COBLL1: variants seen among roughly 807,000 people sequenced by gnomAD.
COBLL1 encodes the protein cordon-bleu protein-like 1.
Under a neutral mutation model 94.8 loss-of-function variants are expected in COBLL1, and 50 were observed. That is an observed-to-expected ratio of 0.53 (90% CI 0.42 to 0.67). The LOEUF (loss-of-function observed/expected upper bound fraction) is 0.67, where lower values mean the gene tolerates loss of function less well. COBLL1 is among the 30% of genes least tolerant of loss of function. COBLL1 has a pLI of 0.00. For synonymous variants in COBLL1, 448 were observed against 473.8 expected (o/e 0.95, Z 0.71); for missense variants, 1,362 against 1,348.7 (o/e 1.01, Z -0.15).
intron 4 of COBLL1, among the ~76,000 whole-genome samples, chr2:164,728,539 CA>C (rs1045719855): frequency 6.6e-6 from 1 of 151,916 alleles, no homozygotes; most frequent in Non-Finnish European, 1.5e-5. Flanking sequence ...ATACATAGTA[CA>C]AAATTATGTA....
At chr2:164,738,695 A>G (rs59879549) in intron 3 of COBLL1, among the ~76,000 whole-genome samples, 9,529 of 152,312 alleles carry the variant, frequency 0.063, 375 homozygotes, top group African/African-American at 0.12. Flanking sequence ...CAACATTCTT[A>G]AGGCATGAAG....
In COBLL1 at chr2:164,704,929, T is replaced by C. The variant is rs73968226; in HGVS notation, c.1150+23A>G. On this transcript the variant is annotated intron_variant, in intron 8 of 13. Transcript: ENST00000652658. ...TAAACAAAACACAATACAAATGTAA[T>C]GTTAATGAAACAACCACATTACCAG... The C allele has an allele frequency of 4.7e-4, 720 of 1,539,480 alleles. 2 individuals carry two copies. In the African/African-American group the frequency reaches 8.9e-3, roughly 19 times the overall value.
chr2:164,838,806 TTATGA>T (rs1172551944), intron 2 of COBLL1, among the ~76,000 whole-genome samples: 1 of 152,190 alleles, frequency 6.6e-6, no homozygotes, highest in Non-Finnish European at 1.5e-5. Flanking sequence ...AAGTAATGAG[TTATGA>T]TATAATTAGT....
chr2:164,704,364 C>T, intron 9 of COBLL1, 80 bp downstream of exon 9: 7 of 923,448 alleles, frequency 7.6e-6, no homozygotes, highest in South Asian at 6.9e-5. Context: ...ATGTACAAAG[C>T]ATCGCAAATG....
chr2:164,706,763 G>C (rs1684623767), intron 7 of COBLL1, among the ~76,000 whole-genome samples: 1 of 152,054 alleles, frequency 6.6e-6, no homozygotes, highest in Non-Finnish European at 1.5e-5. Context: ...TCATCATTAG[G>C]AAGTACCTAA....
At chr2:164,688,764 TTC>T (rs1230412724) in intron 13 of COBLL1, among the ~76,000 whole-genome samples, 1 of 152,154 alleles carries the variant, frequency 6.6e-6, no homozygotes, top group Non-Finnish European at 1.5e-5. Flanking sequence ...GCCAGCAAGA[TTC>T]TGTGTGACTT....
At chr2:164,757,749 C>A (rs1178431973) in intron 2 of COBLL1, among the ~76,000 whole-genome samples, 1 of 151,844 alleles carries the variant, frequency 6.6e-6, no homozygotes, top group Non-Finnish European at 1.5e-5. Context: ...GAGGTCAAGG[C>A]TAGAGTGAGC....
chr2:164,754,184 G>A (rs185424009), intron 2 of COBLL1, among the ~76,000 whole-genome samples: 1 of 152,056 alleles, frequency 6.6e-6, no homozygotes, highest in South Asian at 2.1e-4. Flanking sequence ...ATATCTATTG[G>A]TAATTATTGT....
intron 5 of COBLL1, chr2:164,727,032 G>T: frequency 1.3e-6 from 1 of 754,104 alleles, no homozygotes; most frequent in Non-Finnish European, 2.1e-6. Context: ...TTAAGAAAGG[G>T]TAAAATTAGA....
chr2:164,693,973 T>C (rs971212783), intron 12 of COBLL1, among the ~76,000 whole-genome samples: 3 of 151,906 alleles, frequency 2.0e-5, no homozygotes, highest in African/African-American at 4.8e-5. Context: ...CACAGGAAAA[T>C]AGAACCATTA....
intron 2 of COBLL1, among the ~76,000 whole-genome samples, chr2:164,839,969 A>G (rs1255588181): frequency 6.6e-6 from 1 of 152,248 alleles, no homozygotes; most frequent in Non-Finnish European, 1.5e-5. Context: ...TCCTCTATGT[A>G]AAAATTATAC....
At chr2:164,744,026 G>A (rs148360339) in intron 2 of COBLL1, 151 bp from the exon 3 acceptor site, 554 of 555,926 alleles carry the variant, frequency 1.0e-3, no homozygotes, top group Non-Finnish European at 1.3e-3. Context: ...TTGGATGGTC[G>A]AATTAGGATT....
intron 2 of COBLL1, among the ~76,000 whole-genome samples, chr2:164,806,157 G>A (rs1193986949): frequency 2.0e-5 from 3 of 150,966 alleles, no homozygotes; most frequent in Non-Finnish European, 3.0e-5. Flanking sequence ...AAAAAGGGAA[G>A]GAAAAAAAAA....
At chr2:164,727,154 G>T in intron 5 of COBLL1, 1 of 1,484,368 alleles carries the variant, frequency 6.7e-7, no homozygotes, top group South Asian at 1.2e-5. Flanking sequence ...GCTACAGAAG[G>T]AGGGGTATAA....
rs755881283 is a variant in COBLL1 at position 164,700,618 on chromosome 2, A to G, written c.1364T>C (p.Leu455Pro). ...AAGGGCTGAGTCAGGATCATTTTTC[A>G]GTGTATTTATTATATCAGTAGATAC... Reference protein sequence around the residue: ...PFVSTDIINTLKNDPDSALGN... With the variant: ...PFVSTDIINTPKNDPDSALGN... The change falls in exon 10 of 14, where the codon CTG (leucine) becomes CCG (proline). Residue 455 changes from leucine (L) to proline (P), a missense_variant. Leu to Pro is a moderately conservative substitution (Grantham distance 98, BLOSUM62 -3). Transcript: ENST00000652658. 5 of 1,613,672 alleles carry G rather than the reference A, an allele frequency of 3.1e-6. No individual in the cohort carries two copies. Among genetic ancestry groups the G allele is most frequent in the Non-Finnish European group, 4.2e-6 (5 of 1,179,680 alleles).
At chr2:164,676,675 TG>T (rs1257307496), downstream of COBLL1, among the ~76,000 whole-genome samples, 2 of 150,478 alleles carry the variant, frequency 1.3e-5, no homozygotes, top group Admixed American at 6.6e-5. Context: ...TTCTTAACTC[TG>T]CTTTTTTTTT....
chr2:164,675,369 A>G (rs1209336285), downstream of COBLL1, among the ~76,000 whole-genome samples: 1 of 152,194 alleles, frequency 6.6e-6, no homozygotes, highest in Admixed American at 6.5e-5. Context: ...TATTAACCAG[A>G]TATCTCTCAA....
intron 2 of COBLL1, among the ~76,000 whole-genome samples, chr2:164,817,767 C>A (rs779978485): frequency 6.6e-6 from 1 of 152,110 alleles, no homozygotes; most frequent in Non-Finnish European, 1.5e-5. Flanking sequence ...AGGGAAGCCA[C>A]CTGGTGGCTT....
At position 164,669,027 on chromosome 2, in the gene COBLL1, C is replaced by A. The variant is rs78851851; in HGVS notation, n.127-3126G>T. On this transcript the variant is annotated intron_variant and non_coding_transcript_variant, in intron 1 of 2. Coordinates refer to the COBLL1 transcript ENST00000495084. Reference sequence around the variant, plus strand: ...TTCTAACAGGAATGTACCAATTTATCCTGTCCTTAGCAATAGCTGAACATA... The same window carrying A: ...TTCTAACAGGAATGTACCAATTTATACTGTCCTTAGCAATAGCTGAACATA... Among the ~76,000 whole-genome samples, 404 of 152,348 alleles carry A rather than the reference C, an allele frequency of 2.7e-3. 12 individuals are homozygous for A. In the East Asian group the frequency reaches 0.066, roughly 25 times the overall value.
Sources: gnomAD v4.1 joint callset for allele counts (sites outside exome capture counted in the v4.1 genomes callset) on GRCh38, gnomAD v4.1.1 for gene constraint, MANE v1.5 for transcripts, NCBI Gene and HGNC (gene_info 2026-07-23, HGNC 2026-07-21) for gene names.